Variants in SPG11 observed in about 807,000 individuals in gnomAD.
SPG11 encodes the protein SPG11 vesicle trafficking associated, spatacsin.
SPG11 carries 222 observed loss-of-function variants against 274.0 expected under a neutral mutation model. The observed-to-expected ratio is 0.81, with a 90% CI of 0.73 to 0.91. The LOEUF is 0.91. Among genes scored for constraint, SPG11 ranks in the 40% least tolerant of loss-of-function variants. The pLI, the probability that SPG11 is intolerant of heterozygous loss-of-function variation, is 0.00. For missense variants in SPG11, 3,114 were observed against 2,872.7 expected, an observed-to-expected ratio of 1.08 and a Z score of -1.92; for synonymous variants, 1,144 against 1,039.7, an observed-to-expected ratio of 1.10 and a Z score of -1.93.
intron 33 of SPG11, among the ~76,000 whole-genome samples, chr15:44,572,270 A>C (rs1367941634): frequency 1.3e-5 from 2 of 152,260 alleles, no homozygotes; most frequent in Non-Finnish European, 2.9e-5. Flanking sequence ...CACACATTCT[A>C]ATGAAGGCCT....
chr15:44,578,323 G>A lies in SPG11; in HGVS notation c.5867-3282C>T, dbSNP rs1430546971. On this transcript the variant is annotated intron_variant, in intron 30 of 39. Coordinates refer to ENST00000261866, the MANE Select transcript of SPG11 (RefSeq NM_025137.4). The stretch of plus-strand genomic sequence containing the variant: ...TGGGATTACAGGCGTGAGCCACCGC[G>A]CCTGGCCAGAGGAGCCTCCTTTTCT... Among the ~76,000 whole-genome samples, 6 of 151,744 alleles carry A rather than the reference G, an allele frequency of 4.0e-5. No homozygotes were observed. In the East Asian group the frequency reaches 9.7e-4, roughly 25 times the overall value.
At chr15:44,571,005 C>A (rs1166877958) in intron 33 of SPG11, among the ~76,000 whole-genome samples, 1 of 152,134 alleles carries the variant, frequency 6.6e-6, no homozygotes, top group East Asian at 1.9e-4. Flanking sequence ...AATCCAAGGG[C>A]ATTCTCTGCT....
At chr15:44,598,933 G>A (rs1595864155) in intron 21 of SPG11, 97 bp from the exon 22 acceptor site, 6 of 1,238,288 alleles carry the variant, frequency 4.8e-6, no homozygotes, top group Non-Finnish European at 4.7e-6. Flanking sequence ...GGGAGTGCCA[G>A]CCATGTGATT....
In SPG11 at chr15:44,663,469, G is replaced by A. The variant is rs2085181882; in HGVS notation, c.179C>T (p.Ala60Val). Residue 60 changes from alanine to valine, a missense_variant, in exon 1 of 40, where the codon GCG becomes GTG. By Grantham distance (64) the Ala-to-Val change is moderately conservative (BLOSUM62 0). Transcript: ENST00000261866. ...QPEALGSLTAAGSLQVLSLTP... is the reference protein window; with the variant it reads ...QPEALGSLTAVGSLQVLSLTP... ...CAAAGAAAGCACTTGGAGGCTGCCCGCAGCCGTCAGGCTCCCCAGAGCCTC... is the reference window on the plus strand; with the variant it reads ...CAAAGAAAGCACTTGGAGGCTGCCCACAGCCGTCAGGCTCCCCAGAGCCTC... The A allele has an allele frequency of 3.1e-6, 5 of 1,593,896 alleles. No homozygotes were observed. Among genetic ancestry groups the A allele is most frequent in the South Asian group, 1.1e-5 (1 of 88,656 alleles).
intron 30 of SPG11, among the ~76,000 whole-genome samples, chr15:44,576,515 G>A (rs761071270): frequency 2.3e-4 from 35 of 151,718 alleles, no homozygotes; most frequent in South Asian, 4.2e-4. Context: ...TGGACGTGGT[G>A]GCGGGTGCCT....
chr15:44,576,908 C>T (rs1401516093), intron 30 of SPG11, among the ~76,000 whole-genome samples: 1 of 151,862 alleles, frequency 6.6e-6, no homozygotes, highest in Non-Finnish European at 1.5e-5. Flanking sequence ...TTCACTGCAA[C>T]CTCTGCCTCC....
At chr15:44,569,655 G>A in intron 34 of SPG11, 150 bp from the exon 35 acceptor site, 1 of 695,374 alleles carries the variant, frequency 1.4e-6, no homozygotes, top group Admixed American at 2.0e-5. Context: ...TCCCTCCCAT[G>A]TACCCAACAG....
At chr15:44,585,429 A>AG (rs2082736991) in intron 29 of SPG11, among the ~76,000 whole-genome samples, 2 of 75,038 alleles carry the variant, frequency 2.7e-5, no homozygotes, top group South Asian at 1.2e-3. Flanking sequence ...TACTAAAAAT[A>AG]CAAAAAAAAA....
chr15:44,569,191 A>G (rs1008801851), intron 35 of SPG11, among the ~76,000 whole-genome samples: 7 of 151,982 alleles, frequency 4.6e-5, no homozygotes, highest in Middle Eastern at 3.4e-3. Context: ...AAAAGAAAAA[A>G]AAAATATATG....
rs779150349 is a variant in SPG11 at position 44,564,536 on chromosome 15, T to G, written c.7151+11A>C. On this transcript the variant is annotated intron_variant, in intron 39 of 39. Coordinates refer to ENST00000261866, the MANE Select transcript of SPG11 (RefSeq NM_025137.4). ...AAGGAGCAATGTTTACAGTCAACTT[T>G]TAATACTTACTTTTTGGAAATCTCT... The G allele has an allele frequency of 3.1e-6, 5 of 1,613,288 alleles. No individual in the cohort carries two copies. Among genetic ancestry groups the G allele is most frequent in the Non-Finnish European group, 4.2e-6 (5 of 1,179,814 alleles).
Position 44,600,201 on chromosome 15 carries a change from T to C in SPG11, c.3686+266A>G, listed in dbSNP as rs57267437. 3.6e-3 allele frequency: 1,440 copies of C among 402,228 alleles called. 19 individuals carry two copies. Among genetic ancestry groups the C allele is most frequent in the African/African-American group, 0.027 (1,363 of 49,950 alleles). The allele number at this position is 402,228 out of a possible 1,614,324, so 24.9% of individuals were successfully genotyped here. On this transcript the variant is annotated intron_variant, in intron 21 of 39. Transcript: ENST00000261866. ...CCATCCAAATGTAATCACTGTTAACTGTGGTATGTTTCCAGTATGTTTTTC... is the reference window on the plus strand; with the variant it reads ...CCATCCAAATGTAATCACTGTTAACCGTGGTATGTTTCCAGTATGTTTTTC...
intron 28 of SPG11, among the ~76,000 whole-genome samples, chr15:44,587,461 G>A (rs900647111): frequency 1.3e-5 from 2 of 152,274 alleles, no homozygotes; most frequent in African/African-American, 2.4e-5. Flanking sequence ...AGGCCAAGGC[G>A]GGAGGAGTGC....
intron 15 of SPG11, among the ~76,000 whole-genome samples, chr15:44,618,983 A>T (rs904425971): frequency 6.6e-6 from 1 of 152,208 alleles, no homozygotes; most frequent in African/African-American, 2.4e-5. Flanking sequence ...TACTAATTTC[A>T]TAATTCCAAA....
chr15:44,655,519 A>G (rs2084914894), intron 4 of SPG11, among the ~76,000 whole-genome samples: 4 of 152,250 alleles, frequency 2.6e-5, no homozygotes. Flanking sequence ...TAAACAGATT[A>G]TGTAGAGTAT....
chr15:44,627,682 C>T (rs909849057), intron 10 of SPG11, among the ~76,000 whole-genome samples: 3 of 151,976 alleles, frequency 2.0e-5, no homozygotes, highest in Admixed American at 6.6e-5. Flanking sequence ...CTCCACCTCC[C>T]GGGTTCAAGC....
chr15:44,610,168 G>C (rs2083425209), intron 18 of SPG11, among the ~76,000 whole-genome samples: 1 of 151,704 alleles, frequency 6.6e-6, no homozygotes, highest in South Asian at 2.1e-4. Flanking sequence ...CTCCCAAAGT[G>C]CTGGGATTAC....
In SPG11 at chr15:44,592,040, G is replaced by A. The variant is rs144544199; in HGVS notation, c.4743+291C>T. On this transcript the variant is annotated intron_variant, in intron 27 of 39. Transcript: ENST00000261866. ...GCAGGAGAATCGCTTGAACCTGGGA[G>A]GTGGAGGTTACAGTGAGCGGAGATC... Among the ~76,000 whole-genome samples the A allele has an allele frequency of 0.052, 7,816 of 151,668 alleles. 527 individuals carry two copies. Among genetic ancestry groups the A allele is most frequent in the East Asian group, 0.19 (965 of 5,156 alleles).
chr15:44,647,039 A>C (rs1335947967), intron 7 of SPG11, among the ~76,000 whole-genome samples: 1 of 152,232 alleles, frequency 6.6e-6, no homozygotes, highest in East Asian at 1.9e-4. Flanking sequence ...AAGTATTTGT[A>C]AATCATGTAT....
intron 25 of SPG11, 114 bp downstream of exon 25, chr15:44,595,969 T>A: frequency 7.2e-7 from 1 of 1,392,684 alleles, no homozygotes; most frequent in South Asian, 1.2e-5. Context: ...TGGAAACACA[T>A]GCTGGAACCT....
Sources: allele counts gnomAD v4.1 joint callset (sites outside exome capture counted in the v4.1 genomes callset), GRCh38; gene constraint gnomAD v4.1.1; transcripts MANE v1.5; gene names NCBI Gene and HGNC (gene_info 2026-07-23, HGNC 2026-07-21).